Variants in RGS5 observed in about 807,000 individuals in gnomAD.
The protein encoded by RGS5 is regulator of G-protein signalling 5.
Under a neutral mutation model 18.9 loss-of-function variants are expected in RGS5, and 20 were observed. The ratio of observed to expected loss-of-function variants is 1.06; its 90% CI spans 0.74 to 1.54. RGS5 has a LOEUF of 1.54. Among genes scored for constraint, RGS5 ranks in the 40% most tolerant of loss-of-function variants. The pLI, the probability that RGS5 is intolerant of heterozygous loss-of-function variation, is 0.00. For missense variants in RGS5, 201 were observed against 211.8 expected, an observed-to-expected ratio of 0.95 and a Z score of 0.32; for synonymous variants, 57 against 76.2, an observed-to-expected ratio of 0.75 and a Z score of 1.31.
intron 2 of RGS5, among the ~76,000 whole-genome samples, chr1:163,272,309 T>G (rs1209019340): frequency 1.3e-5 from 2 of 152,168 alleles, no homozygotes; most frequent in Non-Finnish European, 2.9e-5. Flanking sequence ...TGGATACAAG[T>G]CCTTTTCAGT....
At chr1:163,215,571 A>G (rs1660197721) in intron 1 of RGS5, among the ~76,000 whole-genome samples, 1 of 152,236 alleles carries the variant, frequency 6.6e-6, no homozygotes, top group South Asian at 2.1e-4. Flanking sequence ...TAGTTAGACA[A>G]TAGGAGGACC....
chr1:163,286,002 A>ACG (rs1312620152), intron 2 of RGS5, among the ~76,000 whole-genome samples: 3 of 150,324 alleles, frequency 2.0e-5, no homozygotes, highest in Non-Finnish European at 4.4e-5. Context: ...ATTTATGCAC[A>ACG]CACACACACA....
chr1:163,313,236 T>C (rs542174443), intron 1 of RGS5, among the ~76,000 whole-genome samples: 69 of 152,318 alleles, frequency 4.5e-4, no homozygotes, highest in African/African-American at 1.6e-3. Flanking sequence ...AGTTATTTTC[T>C]TTAAAAAAAA....
At chr1:163,280,085 G>C (rs1174730919) in intron 2 of RGS5, among the ~76,000 whole-genome samples, 1 of 152,012 alleles carries the variant, frequency 6.6e-6, no homozygotes, top group Admixed American at 6.6e-5. Flanking sequence ...AAGGTTTAAA[G>C]AAGAACTAAT....
chr1:163,172,243 A>G (rs1174282232), intron 1 of RGS5, among the ~76,000 whole-genome samples: 3 of 152,204 alleles, frequency 2.0e-5, no homozygotes, highest in Non-Finnish European at 4.4e-5. Context: ...AGATAAAACT[A>G]TTGAAAAGCG....
intron 2 of RGS5, among the ~76,000 whole-genome samples, chr1:163,241,878 G>A (rs973861404): frequency 2.0e-5 from 3 of 152,278 alleles, no homozygotes; most frequent in South Asian, 4.2e-4. Flanking sequence ...GACTTCCTGG[G>A]GATATAATCA....
At chr1:163,165,603 G>A (rs930246982) in intron 2 of RGS5, among the ~76,000 whole-genome samples, 1 of 152,140 alleles carries the variant, frequency 6.6e-6, no homozygotes, top group Non-Finnish European at 1.5e-5. Flanking sequence ...AAGGAAGAGA[G>A]TTTTAAGAGT....
At chr1:163,266,932 TATC>T (rs1648586496) in intron 2 of RGS5, among the ~76,000 whole-genome samples, 1 of 152,042 alleles carries the variant, frequency 6.6e-6, no homozygotes, top group Non-Finnish European at 1.5e-5. Context: ...AGTGAAATAA[TATC>T]ATATTATAAA....
At chr1:163,168,195 C>A in intron 2 of RGS5, 63 bp downstream of exon 2, 1 of 1,226,788 alleles carries the variant, frequency 8.2e-7, no homozygotes, top group Non-Finnish European at 1.2e-6. Context: ...AGGAATGGTG[C>A]TAAACACTTG....
rs1261918481 is a variant in RGS5, at chr1:163,292,733, T to A, written c.-281+13500A>T. On this transcript the variant is annotated intron_variant, in intron 2 of 5. Coordinates refer to the RGS5 transcript ENST00000618415. ...ATCCTGACTGGTGTGAGATGGTATC[T>A]CAATGTGCTTTTGATTGGCATTTCT... 2.0e-5 allele frequency among the ~76,000 whole-genome samples: 3 copies of A among 152,260 alleles called. No homozygotes were observed. In the East Asian group the frequency reaches 5.8e-4, roughly 29 times the overall value.
At chr1:163,179,733 C>G (rs748585265) in intron 1 of RGS5, among the ~76,000 whole-genome samples, 3 of 152,076 alleles carry the variant, frequency 2.0e-5, no homozygotes, top group African/African-American at 7.2e-5. Context: ...GTGAGAAAAC[C>G]TCTAATAGCT....
intron 1 of RGS5, among the ~76,000 whole-genome samples, chr1:163,319,755 G>A (rs940613356): frequency 6.6e-6 from 1 of 152,142 alleles, no homozygotes; most frequent in Non-Finnish European, 1.5e-5. Flanking sequence ...TGAAATAGTA[G>A]GGCAAATGTA....
At chr1:163,279,148 T>TA (rs1389039422) in intron 2 of RGS5, among the ~76,000 whole-genome samples, 2 of 152,114 alleles carry the variant, frequency 1.3e-5, no homozygotes, top group Non-Finnish European at 2.9e-5. Context: ...ACATTAGACT[T>TA]AAAGTCTACT....
At chr1:163,316,925 G>A (rs1350030839) in intron 1 of RGS5, among the ~76,000 whole-genome samples, 1 of 152,152 alleles carries the variant, frequency 6.6e-6, no homozygotes, top group East Asian at 1.9e-4. Flanking sequence ...TTTGTACCAG[G>A]CATGGTGTTA....
intron 1 of RGS5, among the ~76,000 whole-genome samples, chr1:163,316,553 C>T (rs1481075540): frequency 6.7e-6 from 1 of 150,134 alleles, no homozygotes; most frequent in African/African-American, 2.5e-5. Context: ...ATGATGACAC[C>T]AGCCTGGGCA....
intron 2 of RGS5, among the ~76,000 whole-genome samples, chr1:163,252,662 A>G (rs1026132248): frequency 1.3e-5 from 2 of 150,162 alleles, no homozygotes; most frequent in African/African-American, 5.1e-5. Flanking sequence ...ATGGCAATGA[A>G]TGCTATAAGA....
intron 2 of RGS5, among the ~76,000 whole-genome samples, chr1:163,163,202 T>C (rs1056665738): frequency 1.3e-5 from 2 of 152,178 alleles, no homozygotes; most frequent in African/African-American, 4.8e-5. Context: ...TTGTGAATAA[T>C]CCCTTTACTT....
At chr1:163,168,607 G>A (rs1658163253) in intron 1 of RGS5, among the ~76,000 whole-genome samples, 1 of 152,072 alleles carries the variant, frequency 6.6e-6, no homozygotes, top group Admixed American at 6.6e-5. Context: ...CCTCATTATT[G>A]TTTTATATGT....
At chr1:163,288,642 T>C (rs1172933462) in intron 2 of RGS5, among the ~76,000 whole-genome samples, 1 of 152,138 alleles carries the variant, frequency 6.6e-6, no homozygotes, top group African/African-American at 2.4e-5. Flanking sequence ...GGGTCAATAG[T>C]CTTCATTATT....
Sources: allele counts gnomAD v4.1 joint callset (sites outside exome capture counted in the v4.1 genomes callset), GRCh38; gene constraint gnomAD v4.1.1; transcripts MANE v1.5; gene names NCBI Gene and HGNC (gene_info 2026-07-23, HGNC 2026-07-21).